The following MARCHF1 variants were observed in gnomAD, a reference collection of about 807,000 sequenced individuals.
MARCHF1 encodes the protein membrane associated ring-CH-type finger 1, also known as E3 ubiquitin-protein ligase MARCHF1.
A neutral mutation model predicts 54.2 loss-of-function variants in MARCHF1; 40 were observed. The ratio of observed to expected loss-of-function variants is 0.74; its 90% CI spans 0.57 to 0.96. MARCHF1 has a LOEUF of 0.96. Among genes scored for constraint, MARCHF1 ranks in the 40% least tolerant of loss-of-function variants. MARCHF1 has a pLI of 0.00. For synonymous variants in MARCHF1, 236 were observed against 236.3 expected (o/e 1.00, Z 0.01); for missense variants, 586 against 656.5 (o/e 0.89, Z 1.17).
At chr4:164,035,420 C>A (rs544256034) in intron 2 of MARCHF1, among the ~76,000 whole-genome samples, 2 of 151,448 alleles carry the variant, frequency 1.3e-5, no homozygotes, top group South Asian at 4.2e-4. Flanking sequence ...CTACCCAAAC[C>A]CTAATTATGA....
chr4:163,944,657 A>T (rs1751989350), intron 3 of MARCHF1, among the ~76,000 whole-genome samples: 1 of 152,196 alleles, frequency 6.6e-6, no homozygotes, highest in Admixed American at 6.5e-5. Flanking sequence ...AATTCATCTT[A>T]ACATCTACTC....
chr4:163,854,196 C>T (rs1319109272), intron 3 of MARCHF1, 27 bp from the exon 4 acceptor site: 1 of 1,458,326 alleles, frequency 6.9e-7, no homozygotes, highest in East Asian at 2.5e-5. Context: ...TTCCCTGAAA[C>T]AGGTCACTTA....
At chr4:163,537,379 T>C (rs1738571226) in intron 9 of MARCHF1, among the ~76,000 whole-genome samples, 1 of 152,168 alleles carries the variant, frequency 6.6e-6, no homozygotes, top group Admixed American at 6.5e-5. Context: ...GCACTAAATC[T>C]TTTCCCTGGG....
intron 3 of MARCHF1, among the ~76,000 whole-genome samples, chr4:163,965,865 T>C (rs181723576): frequency 3.9e-5 from 6 of 152,204 alleles, no homozygotes; most frequent in East Asian, 1.9e-4. Flanking sequence ...GTATGTCCTA[T>C]ACTTGATACC....
intron 1 of MARCHF1, among the ~76,000 whole-genome samples, chr4:164,222,182 G>A (rs529723263): frequency 1.3e-5 from 2 of 150,596 alleles, no homozygotes; most frequent in South Asian, 4.2e-4. Context: ...CTGTTTTGCT[G>A]TCATTTTAGT....
intron 3 of MARCHF1, among the ~76,000 whole-genome samples, chr4:163,900,909 T>G (rs1297330461): frequency 6.6e-6 from 1 of 152,208 alleles, no homozygotes; most frequent in Non-Finnish European, 1.5e-5. Flanking sequence ...ACATTTTATA[T>G]GAAGAATGGT....
At chr4:164,182,476 A>G (rs908423048) in intron 1 of MARCHF1, among the ~76,000 whole-genome samples, 14 of 151,986 alleles carry the variant, frequency 9.2e-5, no homozygotes, top group Non-Finnish European at 1.5e-4. Flanking sequence ...GCAAAGAAAT[A>G]TAAGTTCATT....
intron 1 of MARCHF1, among the ~76,000 whole-genome samples, chr4:164,345,594 A>C (rs1201621666): frequency 2.0e-5 from 3 of 149,140 alleles, no homozygotes; most frequent in African/African-American, 7.4e-5. Flanking sequence ...TAATAATAAT[A>C]ATAATAATAA....
intron 1 of MARCHF1, among the ~76,000 whole-genome samples, chr4:164,290,503 T>C (rs574196284): frequency 6.6e-6 from 1 of 151,934 alleles, no homozygotes; most frequent in African/African-American, 2.4e-5. Flanking sequence ...TGTCACTAAA[T>C]GAGAATCATA....
At chr4:164,100,899 G>A (rs551777085) in intron 2 of MARCHF1, among the ~76,000 whole-genome samples, 1 of 152,118 alleles carries the variant, frequency 6.6e-6, no homozygotes, top group Non-Finnish European at 1.5e-5. Context: ...AGGTCAGTGG[G>A]TGCGCGCACA....
intron 1 of MARCHF1, among the ~76,000 whole-genome samples, chr4:164,252,822 A>C (rs1383007843): frequency 6.6e-6 from 1 of 152,142 alleles, no homozygotes. Flanking sequence ...TAAACTCAAA[A>C]AGTGGCAGTG....
intron 1 of MARCHF1, among the ~76,000 whole-genome samples, chr4:164,237,623 ACT>A (rs1392124373): frequency 6.6e-6 from 1 of 151,942 alleles, no homozygotes; most frequent in African/African-American, 2.4e-5. Context: ...ATTGCAAAAC[ACT>A]CTGATATTGC....
chr4:163,671,276 A>T (rs1248780984), intron 5 of MARCHF1, among the ~76,000 whole-genome samples: 1 of 152,206 alleles, frequency 6.6e-6, no homozygotes, highest in Non-Finnish European at 1.5e-5. Flanking sequence ...TTTCAGGAAA[A>T]TGTAATTACT....
intron 1 of MARCHF1, among the ~76,000 whole-genome samples, chr4:164,340,209 G>A (rs1324104660): frequency 2.7e-5 from 4 of 150,758 alleles, no homozygotes; most frequent in Non-Finnish European, 5.9e-5. Flanking sequence ...AACAACCAAA[G>A]AGGAGGGAAT....
At chr4:163,715,030 A>C (rs1233471091) in intron 4 of MARCHF1, among the ~76,000 whole-genome samples, 2 of 152,178 alleles carry the variant, frequency 1.3e-5, no homozygotes, top group African/African-American at 2.4e-5. Flanking sequence ...ATTTTTATAG[A>C]AAAAAGTCAC....
intron 1 of MARCHF1, among the ~76,000 whole-genome samples, chr4:164,216,472 A>G (rs2111134785): frequency 6.6e-6 from 1 of 152,358 alleles, no homozygotes; most frequent in Admixed American, 6.5e-5. Flanking sequence ...AAGAAAAGAA[A>G]AAAATATGCT....
chr4:163,981,830 C>T (rs749727352), intron 3 of MARCHF1, among the ~76,000 whole-genome samples: 16 of 152,186 alleles, frequency 1.1e-4, no homozygotes, highest in Admixed American at 2.0e-4. Context: ...TTTTGTTCAA[C>T]AATCTTTCAA....
At chr4:163,604,717 A>G (rs566221258) in intron 7 of MARCHF1, among the ~76,000 whole-genome samples, 3 of 152,132 alleles carry the variant, frequency 2.0e-5, no homozygotes, top group Admixed American at 2.0e-4. Context: ...GGATTCCCCC[A>G]CCTCTGCTCC....
intron 3 of MARCHF1, among the ~76,000 whole-genome samples, chr4:163,863,110 T>A (rs1439420201): frequency 6.6e-6 from 1 of 151,996 alleles, no homozygotes; most frequent in Non-Finnish European, 1.5e-5. Flanking sequence ...TTTGTGAAAA[T>A]CTTATAGAAC....
Sources: allele counts gnomAD v4.1 joint callset (sites outside exome capture counted in the v4.1 genomes callset), GRCh38; gene constraint gnomAD v4.1.1; transcripts MANE v1.5; gene names NCBI Gene and HGNC (gene_info 2026-07-23, HGNC 2026-07-21).